ZBTB48: variants seen among roughly 807,000 people sequenced by gnomAD.
ZBTB48 encodes zinc finger and BTB domain-containing protein 48.
A neutral mutation model predicts 64.5 loss-of-function variants in ZBTB48; 35 were observed. The ratio of observed to expected loss-of-function variants is 0.54; its 90% CI spans 0.41 to 0.72. The LOEUF (loss-of-function observed/expected upper bound fraction) is 0.72, where lower values mean the gene tolerates loss of function less well. Ranked by LOEUF, ZBTB48 falls within the 30% of genes least tolerant of loss-of-function variation. ZBTB48 has a pLI of 0.00. For synonymous variants in ZBTB48, 442 were observed against 356.7 expected, an observed-to-expected ratio of 1.24 and a Z score of -2.70; for missense variants, 828 against 895.3, an observed-to-expected ratio of 0.92 and a Z score of 0.96.
At position 6,581,178 on chromosome 1, in the gene ZBTB48, G is replaced by C. The variant is rs1284147185; in HGVS notation, c.569G>C (p.Cys190Ser). Residue 190 changes from cysteine (C) to serine (S), a missense_variant, in exon 2 of 11, where the codon TGT (cysteine) becomes TCT (serine). By Grantham distance (112) the Cys-to-Ser change is moderately radical. Coordinates refer to ENST00000377674, the MANE Select transcript of ZBTB48 (RefSeq NM_005341.4). The part of the protein sequence containing the change: ...PAQSEGPSSL[C>S]GKLKQALKPC... Reference sequence around the variant, plus strand: ...CAGAGTGAGGGCCCCTCCTCCCTCTGTGGGAAACTGAAGCAGGCCTTGAAG... The same window carrying C: ...CAGAGTGAGGGCCCCTCCTCCCTCTCTGGGAAACTGAAGCAGGCCTTGAAG... 19 of 1,613,496 alleles carry C rather than the reference G, an allele frequency of 1.2e-5. No homozygotes were observed. The highest frequency in any genetic ancestry group is 1.6e-5 in the Non-Finnish European group (19 of 1,180,010).
rs1404812845 is a variant in ZBTB48, at chr1:6,588,409, C to T, written c.1648C>T (p.His550Tyr). The change falls in exon 9 of 11, where the codon CAC becomes TAC. Residue 550 changes from histidine to tyrosine, a missense_variant. Transcript: ENST00000377674. Reference protein sequence around the residue: ...VASRHQEGRPHFCQICGKTFK... With the variant: ...VASRHQEGRPYFCQICGKTFK... ...CAGCCGCCATCAGGAGGGCCGGCCC[C>T]ACTTCTGCCAGATATGCGGCAAGAC... 6.4e-7 allele frequency: 1 copy of T among 1,567,590 alleles called. No homozygotes were observed. Among genetic ancestry groups the T allele is most frequent in the Non-Finnish European group, 8.7e-7 (1 of 1,154,810 alleles).
At chr1:6,588,646 C>T (rs1294815321) in intron 9 of ZBTB48, 110 bp from the exon 10 acceptor site, 9 of 1,515,534 alleles carry the variant, frequency 5.9e-6, no homozygotes, top group Admixed American at 3.8e-5. Flanking sequence ...CTGTGCAGCA[C>T]TTGTAAACCA....
At position 6,581,100 on chromosome 1, in the gene ZBTB48, A is replaced by T; in HGVS notation, c.491A>T (p.Gln164Leu). The change falls in exon 2 of 11, where the codon CAG becomes CTG. Residue 164 changes from glutamine to leucine, a missense_variant. Physicochemically the swap from Gln to Leu is moderately radical, Grantham distance 113 (BLOSUM62 -2). Transcript: ENST00000377674. ...SRTLGLVPRD[Q>L]EPRGSHSPQR... is the part of the protein sequence containing the mutation. Reference sequence around the variant, plus strand: ...ACTCTGGGTCTAGTCCCCAGGGATCAGGAGCCCAGAGGCAGTCATAGTCCT... The same window carrying T: ...ACTCTGGGTCTAGTCCCCAGGGATCTGGAGCCCAGAGGCAGTCATAGTCCT... The T allele has an allele frequency of 6.2e-7, 1 of 1,612,948 alleles. No individual in the cohort carries two copies. The highest frequency in any genetic ancestry group is 8.5e-7 in the Non-Finnish European group (1 of 1,179,806).
chr1:6,587,120 A>T, intron 5 of ZBTB48, 85 bp from the exon 6 acceptor site: 3 of 1,427,042 alleles, frequency 2.1e-6, no homozygotes, highest in Non-Finnish European at 3.0e-6. Flanking sequence ...GCCTCCCTCT[A>T]GTTCCTGCCC....
chr1:6,588,729 T>TC (rs1336182207), intron 9 of ZBTB48, 27 bp from the exon 10 acceptor site: 2 of 1,613,532 alleles, frequency 1.2e-6, no homozygotes, highest in South Asian at 1.1e-5. Context: ...TCCTGCATGA[T>TC]CCCCCACGGT....
intron 5 of ZBTB48, 156 bp downstream of exon 5, chr1:6,586,943 T>A: frequency 1.1e-6 from 1 of 939,188 alleles, no homozygotes; most frequent in Non-Finnish European, 1.7e-6. Flanking sequence ...CCCCCTTATC[T>A]AGGCAGGGCT....
chr1:6,586,726 TC>T lies in ZBTB48; in HGVS notation c.1078del (p.Arg360AlafsTer38). The T allele has an allele frequency of 6.3e-7, 1 of 1,577,562 alleles. No individual in the cohort carries two copies. Among genetic ancestry groups the T allele is most frequent in the South Asian group, 1.2e-5 (1 of 85,982 alleles). ...ACGTGCTCTGTGTGCCAGGAGACAT[TC>T]CGCCGAAGGATGGAGCTGCGGGTGC... ...VFTCSVCQET[F>X]RRRMELRVHM... On this transcript the variant is annotated frameshift_variant, in exon 5 of 11. Transcript: ENST00000377674. LOFTEE classifies it high-confidence loss of function.
Position 6,580,461 on chromosome 1 carries a change from A to G in ZBTB48, c.-69-80A>G, listed in dbSNP as rs111627062. 2.8e-4 allele frequency: 231 copies of G among 812,918 alleles called. 2 individuals carry two copies. Among genetic ancestry groups the G allele is most frequent in the African/African-American group, 2.5e-3 (137 of 54,706 alleles). The allele number at this position is 812,918 out of a possible 1,614,324, so 50.4% of individuals were successfully genotyped here. On this transcript the variant is annotated intron_variant, in intron 1 of 10. Coordinates refer to ENST00000377674, the MANE Select transcript of ZBTB48 (RefSeq NM_005341.4). This position sits in a 1 kb window ranked among gnomAD's most constrained non-coding sequence, Gnocchi z 5.2. The stretch of plus-strand genomic sequence containing the variant: ...TTCCAGCCCTCCGCGTGCACCCCTC[A>G]CCCTGACCCAAGCCCTCGTGCTGAT...
chr1:6,589,081 C>T lies in ZBTB48; in HGVS notation c.1936C>T (p.Leu646=), dbSNP rs1361680577. Residue 646 remains leucine (L), a synonymous_variant, in exon 11 of 11, where the codon CTG becomes TTG. Coordinates refer to ENST00000377674, the MANE Select transcript of ZBTB48 (RefSeq NM_005341.4). Reference sequence around the variant, plus strand: ...CTCGGCGGAGGTCATTGTGGAGTCCCTGGCCCAGGGCGGCCTGGCCTCCCA... The same window carrying T: ...CTCGGCGGAGGTCATTGTGGAGTCCTTGGCCCAGGGCGGCCTGGCCTCCCA... ...VGSAEVIVES[L]AQGGLASQLP... is the part of the protein sequence containing the mutation. The T allele has an allele frequency of 3.1e-6, 5 of 1,608,434 alleles. No individual in the cohort carries two copies. In the East Asian group the frequency reaches 6.7e-5, roughly 22 times the overall value.
rs1387778424 is a variant in ZBTB48, at chr1:6,586,751, G to A, written c.1101G>A (p.Val367=). Residue 367 remains valine (V), a synonymous_variant, in exon 5 of 11, where the codon GTG becomes GTA. Transcript: ENST00000377674. ...ETFRRRMELR[V]HMVSHTGEMP... ...TCCGCCGAAGGATGGAGCTGCGGGTGCACATGGTGTCTCACACAGGGGAGA... is the reference window on the plus strand; with the variant it reads ...TCCGCCGAAGGATGGAGCTGCGGGTACACATGGTGTCTCACACAGGGGAGA... 3 of 1,598,680 alleles carry A rather than the reference G, an allele frequency of 1.9e-6. No individual in the cohort carries two copies. In the African/African-American group the frequency reaches 4.0e-5, roughly 21 times the overall value.
intron 2 of ZBTB48, among the ~76,000 whole-genome samples, 160 bp downstream of exon 2, chr1:6,581,459 C>T (rs892261673): frequency 1.3e-5 from 2 of 151,898 alleles, no homozygotes; most frequent in African/African-American, 2.4e-5. Flanking sequence ...CTTGGGAGTT[C>T]GAGACCAGCC....
Position 6,589,259 on chromosome 1 carries a change from C to G in ZBTB48, c.*47C>G, listed in dbSNP as rs565589882. On this transcript the variant is annotated 3_prime_UTR_variant, in exon 11 of 11. Coordinates refer to ENST00000377674, the MANE Select transcript of ZBTB48 (RefSeq NM_005341.4). The stretch of plus-strand genomic sequence containing the variant: ...CACTTGGCCCCACCCCTCAATAAAC[C>G]GTGTGGCTTTGGACTCTCGTATTTC... 3 of 1,475,584 alleles carry G rather than the reference C, an allele frequency of 2.0e-6. No individual in the cohort carries two copies. Among genetic ancestry groups the G allele is most frequent in the Non-Finnish European group, 2.7e-6 (3 of 1,119,832 alleles). 91.4% of individuals were successfully genotyped at this position (1,475,584 alleles called of 1,614,324 possible).
At position 6,584,132 on chromosome 1, in the gene ZBTB48, T is replaced by C. The variant is rs907097569; in HGVS notation, c.933-1787T>C. ...GGTTTCACCATATTGGCCAGGCTGATCTCAAACTCCTGACCTTGCGATCCA... is the reference window on the plus strand; with the variant it reads ...GGTTTCACCATATTGGCCAGGCTGACCTCAAACTCCTGACCTTGCGATCCA... On this transcript the variant is annotated intron_variant, in intron 3 of 10. Transcript: ENST00000377674. The surrounding 1 kb of genome is among the most constrained non-coding windows in gnomAD (Gnocchi z 4.5). Among the ~76,000 whole-genome samples the C allele has an allele frequency of 1.3e-5, 2 of 152,076 alleles. No homozygotes were observed. The highest frequency in any genetic ancestry group is 2.9e-5 in the Non-Finnish European group (2 of 68,006).
At chr1:6,588,582 A>AGG in intron 9 of ZBTB48, 140 bp downstream of exon 9, 1 of 1,437,834 alleles carries the variant, frequency 7.0e-7, no homozygotes, top group Admixed American at 2.5e-5. Flanking sequence ...CTTTGAAGGC[A>AGG]GGGGTGTCCT....
intron 4 of ZBTB48, chr1:6,586,364 C>A: frequency 2.0e-6 from 1 of 501,428 alleles, no homozygotes; most frequent in Non-Finnish European, 3.5e-6. Context: ...CCAGCAACCC[C>A]ACTGCTGGCT....
In ZBTB48 at chr1:6,588,131, T is replaced by G. The variant is rs760779210; in HGVS notation, c.1451T>G (p.Leu484Arg). 6.2e-7 allele frequency: 1 copy of G among 1,614,184 alleles called. No homozygotes were observed. The highest frequency in any genetic ancestry group is 1.1e-5 in the South Asian group (1 of 91,086). Residue 484 changes from leucine (L) to arginine (R), a missense_variant, in exon 8 of 11, where the codon CTG becomes CGG. Coordinates refer to ENST00000377674, the MANE Select transcript of ZBTB48 (RefSeq NM_005341.4). ...FTQKANLNMH[L>R]RTHTGEKPFQ... ...CAAAAGGCCAATCTCAACATGCACC[T>G]GCGCACACACACGGGTGAGAAGCCC...
In ZBTB48 at chr1:6,580,026, T is replaced by G. The variant is rs778652760; in HGVS notation, c.-180T>G. On this transcript the variant is annotated 5_prime_UTR_variant, in exon 1 of 11. Transcript: ENST00000377674. This position sits in a 1 kb window ranked among gnomAD's most constrained non-coding sequence, Gnocchi z 5.2. ...GACGTCACGTCCGGCGCGGAGACGG[T>G]GGAGTCTCCGCACTGTCGGCGGGGT... The G allele has an allele frequency of 6.9e-5, 14 of 202,800 alleles. No homozygotes were observed. The highest frequency in any genetic ancestry group is 2.2e-3 in the Middle Eastern group (1 of 458). 12.6% of individuals were successfully genotyped at this position (202,800 alleles called of 1,614,324 possible).
Position 6,586,728 on chromosome 1 carries a change from C to T in ZBTB48, c.1078C>T (p.Arg360Cys), listed in dbSNP as rs144980289. ...FTCSVCQETF[R>C]RRMELRVHMV... ...GTGCTCTGTGTGCCAGGAGACATTC[C>T]GCCGAAGGATGGAGCTGCGGGTGCA... Residue 360 changes from arginine (R) to cysteine (C), a missense_variant, in exon 5 of 11, where the codon CGC becomes TGC. Coordinates refer to ENST00000377674, the MANE Select transcript of ZBTB48 (RefSeq NM_005341.4). 22 of 1,578,694 alleles carry T rather than the reference C, an allele frequency of 1.4e-5. No individual in the cohort carries two copies. In the East Asian group the frequency reaches 1.6e-4, roughly 11 times the overall value.
chr1:6,588,506 A>C, intron 9 of ZBTB48, 64 bp downstream of exon 9: 2 of 1,457,248 alleles, frequency 1.4e-6, no homozygotes, highest in South Asian at 1.4e-5. Flanking sequence ...TCTGAGGAGG[A>C]AACGCTCCTT....
Sources: allele counts gnomAD v4.1 joint callset (sites outside exome capture counted in the v4.1 genomes callset), GRCh38; gene constraint gnomAD v4.1.1; non-coding constraint Gnocchi (gnomAD v3.1); transcripts MANE v1.5; gene names NCBI Gene and HGNC (gene_info 2026-07-23, HGNC 2026-07-21).